Variants in NAV3 observed in about 807,000 individuals in gnomAD.
NAV3 encodes the protein pore membrane and/or filament interacting like protein 1.
NAV3 carries 87 observed loss-of-function variants against 244.7 expected under a neutral mutation model. That is an observed-to-expected ratio of 0.36 (90% CI 0.30 to 0.42). NAV3 has a LOEUF of 0.42. NAV3 is among the 20% of genes least tolerant of loss of function. The probability of loss-of-function intolerance (pLI) is 1.00; values close to 1 mark genes in which losing one functional copy is unlikely to be tolerated. For synonymous variants in NAV3, 1,126 were observed against 1,042.2 expected (o/e 1.08, Z -1.55); for missense variants, 2,663 against 2,893.3 (o/e 0.92, Z 1.83).
intron 2 of NAV3, among the ~76,000 whole-genome samples, chr12:77,593,002 CTG>C (rs1869978326): frequency 6.6e-6 from 1 of 152,216 alleles, no homozygotes; most frequent in Admixed American, 6.5e-5. Context: ...GTGGTGAAAA[CTG>C]AGCTTCTAAA....
At chr12:77,819,967 A>T (rs1045801394) in intron 2 of NAV3, among the ~76,000 whole-genome samples, 5 of 152,152 alleles carry the variant, frequency 3.3e-5, no homozygotes, top group African/African-American at 1.2e-4. Context: ...AACTCTTGAG[A>T]CTATGATAAT....
intron 1 of NAV3, among the ~76,000 whole-genome samples, chr12:77,853,804 A>C (rs1419058107): frequency 1.3e-5 from 2 of 152,218 alleles, no homozygotes; most frequent in African/African-American, 4.8e-5. Context: ...CATAAGGTAT[A>C]AATTTTTCTT....
chr12:77,696,232 T>A lies in NAV3; in HGVS notation c.72+123966T>A, dbSNP rs79991915. On this transcript the variant is annotated intron_variant, in intron 2 of 8. Coordinates refer to the NAV3 transcript ENST00000550042. ...GTCCTAGTGATTTGCTTATAACCAATAGAATATGGCAAAGGGGACAGTATG... is the reference window on the plus strand; with the variant it reads ...GTCCTAGTGATTTGCTTATAACCAAAAGAATATGGCAAAGGGGACAGTATG... Among the ~76,000 whole-genome samples, 895 of 152,276 alleles carry A rather than the reference T, an allele frequency of 5.9e-3. 11 individuals carry two copies. Among genetic ancestry groups the A allele is most frequent in the African/African-American group, 0.02 (849 of 41,558 alleles).
At position 78,176,684 on chromosome 12, in the gene NAV3, G is replaced by A. The variant is rs145693309; in HGVS notation, c.5124+225G>A. 5.8e-3 allele frequency among the ~76,000 whole-genome samples: 887 copies of A among 152,164 alleles called. 8 individuals carry two copies. The highest frequency in any genetic ancestry group is 9.8e-3 in the Non-Finnish European group (668 of 67,982). ...CAATTCTGGTTTTGAGTAGTCTGGG[G>A]TTGGAAAATTTGAATAGAAAAATCA... On this transcript the variant is annotated intron_variant, in intron 26 of 39. Transcript: ENST00000397909.
intron 1 of NAV3, 103 bp downstream of exon 1, chr12:77,831,807 C>T (rs1873755626): frequency 7.7e-7 from 1 of 1,295,434 alleles, no homozygotes. Context: ...TAGAGGAATA[C>T]CAGTGTAAGG....
chr12:78,100,410 C>A (rs1018577795), intron 12 of NAV3, among the ~76,000 whole-genome samples: 1 of 151,864 alleles, frequency 6.6e-6, no homozygotes, highest in Non-Finnish European at 1.5e-5. Context: ...GGAGACCATG[C>A]AAGAGACCTA....
At chr12:77,977,796 A>C (rs1868787963) in intron 5 of NAV3, among the ~76,000 whole-genome samples, 2 of 151,874 alleles carry the variant, frequency 1.3e-5, no homozygotes, top group African/African-American at 4.8e-5. Flanking sequence ...GGCCTATCTG[A>C]AAATCTGAAA....
In NAV3 at chr12:78,012,726, T is replaced by C. The variant is rs1211288585; in HGVS notation, c.1907+5281T>C. On this transcript the variant is annotated intron_variant, in intron 8 of 39. Coordinates refer to ENST00000397909, the MANE Select transcript of NAV3 (RefSeq NM_001024383.2). ...TCTCCAACCACCTACTCCAGGGGAA[T>C]ATATATTATGCGCCTTCTCAGAATT... Among the ~76,000 whole-genome samples, 6 of 152,306 alleles carry C rather than the reference T, an allele frequency of 3.9e-5. No homozygotes were observed. In the East Asian group the frequency reaches 1.2e-3, roughly 29 times the overall value.
chr12:78,068,847 T>C (rs1388756361), intron 12 of NAV3, among the ~76,000 whole-genome samples: 3 of 151,734 alleles, frequency 2.0e-5, no homozygotes, highest in Non-Finnish European at 2.9e-5. Flanking sequence ...TTTGGTCCTT[T>C]TATATTACAT....
chr12:77,649,602 TA>T (rs2136984529), intron 2 of NAV3, among the ~76,000 whole-genome samples: 1 of 152,266 alleles, frequency 6.6e-6, no homozygotes, highest in South Asian at 2.1e-4. Context: ...AATTTTAAAA[TA>T]AAAGAATGAA....
At chr12:77,936,052 A>T (rs1312447105) in intron 1 of NAV3, among the ~76,000 whole-genome samples, 1 of 152,150 alleles carries the variant, frequency 6.6e-6, no homozygotes, top group African/African-American at 2.4e-5. Flanking sequence ...TATTATTGCC[A>T]TTTTACAGAT....
chr12:78,059,007 A>G lies in NAV3; in HGVS notation c.2528A>G (p.Asp843Gly). The G allele has an allele frequency of 6.2e-7, 1 of 1,602,740 alleles. No homozygotes were observed. The highest frequency in any genetic ancestry group is 1.1e-5 in the South Asian group (1 of 88,570). Residue 843 changes from aspartate (D) to glycine (G), a missense_variant, in exon 12 of 40, where the codon GAT (aspartate) becomes GGT (glycine). Physicochemically the swap from Asp to Gly is moderately conservative, Grantham distance 94 (BLOSUM62 -1). This residue lies in a region of NAV3 where 1,521 missense variants were observed against 1,497.0 expected (regional missense o/e 1.02). Coordinates refer to ENST00000397909, the MANE Select transcript of NAV3 (RefSeq NM_001024383.2). ...ACATTTCTTTTCAGGTACATGACAGATGGAGGACTTAACCTATATACTAGA... is the reference window on the plus strand; with the variant it reads ...ACATTTCTTTTCAGGTACATGACAGGTGGAGGACTTAACCTATATACTAGA... ...TDDINSGYMT[D>G]GGLNLYTRSL...
At chr12:77,767,704 A>G (rs1251963459) in intron 2 of NAV3, among the ~76,000 whole-genome samples, 1 of 152,244 alleles carries the variant, frequency 6.6e-6, no homozygotes, top group Non-Finnish European at 1.5e-5. Context: ...AGGGGAACAC[A>G]GTGGCGCCCA....
chr12:77,858,311 G>A (rs12578129), intron 1 of NAV3, among the ~76,000 whole-genome samples: 9 of 151,746 alleles, frequency 5.9e-5, no homozygotes, highest in African/African-American at 4.8e-5. Context: ...GGGTTTAAGC[G>A]GAATTGGGTT....
chr12:77,801,800 C>T (rs1306799609), intron 2 of NAV3, among the ~76,000 whole-genome samples: 1 of 152,150 alleles, frequency 6.6e-6, no homozygotes, highest in African/African-American at 2.4e-5. Flanking sequence ...TACCCCATTC[C>T]CTAACTCTCT....
At chr12:77,587,784 G>A (rs959504262) in intron 2 of NAV3, among the ~76,000 whole-genome samples, 7 of 152,174 alleles carry the variant, frequency 4.6e-5, no homozygotes, top group African/African-American at 1.7e-4. Flanking sequence ...TTGGTAGACT[G>A]AAGTAGAAGC....
At chr12:78,142,167 T>C (rs945423968) in intron 20 of NAV3, among the ~76,000 whole-genome samples, 10 of 152,240 alleles carry the variant, frequency 6.6e-5, no homozygotes, top group Admixed American at 2.6e-4. Flanking sequence ...GATATTCCAC[T>C]TTCCTAGATT....
At chr12:78,178,229 G>A (rs187683277) in intron 28 of NAV3, among the ~76,000 whole-genome samples, 103 of 149,274 alleles carry the variant, frequency 6.9e-4, no homozygotes, top group Admixed American at 3.8e-3. Context: ...TCAAGATCTC[G>A]GTTCACTGCA....
Position 77,772,805 on chromosome 12 carries a change from G to A in NAV3, c.73-167514G>A, listed in dbSNP as rs958520589. On this transcript the variant is annotated intron_variant, in intron 2 of 8. Coordinates refer to the NAV3 transcript ENST00000550042. ...GAATGACCGTCAATGGCCAAAATGT[G>A]CTTTTGGGACATGTATGTTACATGA... is the stretch of plus-strand genomic sequence containing the variant. Among the ~76,000 whole-genome samples the A allele has an allele frequency of 2.6e-5, 4 of 152,276 alleles. No homozygotes were observed. In the East Asian group the frequency reaches 7.7e-4, roughly 29 times the overall value.
Sources: allele counts gnomAD v4.1 joint callset (sites outside exome capture counted in the v4.1 genomes callset), GRCh38; gene constraint gnomAD v4.1.1; regional missense constraint gnomAD v4.1.1; transcripts MANE v1.5; gene names NCBI Gene and HGNC (gene_info 2026-07-23, HGNC 2026-07-21).